The following LINGO2 variants were observed in gnomAD, a reference collection of about 807,000 sequenced individuals.
The protein encoded by LINGO2 is leucine rich repeat and Ig domain containing 2.
In LINGO2, 14 loss-of-function variants were observed where a neutral mutation model predicts 30.6. That is an observed-to-expected ratio of 0.46 (90% CI 0.30 to 0.72). LINGO2 has a LOEUF of 0.72. Ranked by LOEUF, LINGO2 falls within the 30% of genes least tolerant of loss-of-function variation. The pLI is 0.07. For missense variants in LINGO2, 729 were observed against 751.7 expected (o/e 0.97, Z 0.35); for synonymous variants, 317 against 288.5 (o/e 1.10, Z -1.00).
intron 2 of LINGO2, among the ~76,000 whole-genome samples, chr9:28,455,274 C>A (rs953450795): frequency 6.6e-6 from 1 of 151,890 alleles, no homozygotes; most frequent in East Asian, 1.9e-4. Context: ...CATGGCTACT[C>A]TAATATACTA....
chr9:28,356,339 A>G (rs1350974950), intron 3 of LINGO2, among the ~76,000 whole-genome samples: 2 of 152,082 alleles, frequency 1.3e-5, no homozygotes, highest in Admixed American at 6.6e-5. Flanking sequence ...AGGTTTGTAG[A>G]CCCATACCCA....
chr9:28,492,847 C>CA (rs1427651340), intron 1 of LINGO2, among the ~76,000 whole-genome samples: 8 of 151,500 alleles, frequency 5.3e-5, no homozygotes, highest in African/African-American at 1.5e-4. Flanking sequence ...ACAACAACAA[C>CA]AACAAAAAAA....
the LINGO2 span, among the ~76,000 whole-genome samples, chr9:28,798,920 T>C: frequency 1.3e-5 from 2 of 152,110 alleles, no homozygotes; most frequent in Admixed American, 6.6e-5. Flanking sequence ...GAATTGTAAA[T>C]AGTTAAATAG....
the LINGO2 span, among the ~76,000 whole-genome samples, chr9:28,769,491 TATATATATATATA>T: frequency 1.5e-4 from 1 of 6,754 alleles, no homozygotes. Flanking sequence ...TATATATATA[TATATATATATATA>T]TATATATATA....
chr9:27,983,763 T>C (rs1820995438), intron 5 of LINGO2, among the ~76,000 whole-genome samples: 2 of 151,886 alleles, frequency 1.3e-5, no homozygotes, highest in South Asian at 4.1e-4. Flanking sequence ...GATTTCATCA[T>C]TCCTTTTGCA....
intron 4 of LINGO2, among the ~76,000 whole-genome samples, chr9:28,135,948 A>T (rs558126886): frequency 6.6e-6 from 1 of 152,220 alleles, no homozygotes; most frequent in South Asian, 2.1e-4. Context: ...TAATCTCCCT[A>T]TGAACAGAGG....
intron 4 of LINGO2, among the ~76,000 whole-genome samples, chr9:28,122,045 C>G (rs1827110748): frequency 6.6e-6 from 1 of 152,036 alleles, no homozygotes; most frequent in African/African-American, 2.4e-5. Flanking sequence ...AAAATCAGAG[C>G]TGGGAGAGGA....
At chr9:29,200,910 G>A in the LINGO2 span, among the ~76,000 whole-genome samples, 7 of 152,100 alleles carry the variant, frequency 4.6e-5, no homozygotes, top group Non-Finnish European at 5.9e-5. Context: ...GTTGGGATTT[G>A]CCTATTTTTT....
At chr9:28,675,905 G>GTATATATATATATATATATATATA in the LINGO2 span, among the ~76,000 whole-genome samples, 3 of 126,060 alleles carry the variant, frequency 2.4e-5, no homozygotes, top group Non-Finnish European at 5.0e-5. Flanking sequence ...GTGTGTGTAT[G>GTATATATATATATATATATATATA]TATATATATA....
chr9:28,430,101 C>CGTGCGCGT (rs1554720059), intron 2 of LINGO2, among the ~76,000 whole-genome samples: 5 of 77,046 alleles, frequency 6.5e-5, no homozygotes, highest in Non-Finnish European at 1.0e-4. Context: ...TTTCCACGCG[C>CGTGCGCGT]GCGCGCGCGT....
chr9:28,453,973 A>G (rs1824747322), intron 2 of LINGO2, among the ~76,000 whole-genome samples: 1 of 152,026 alleles, frequency 6.6e-6, no homozygotes, highest in Non-Finnish European at 1.5e-5. Context: ...GTCTGCATTC[A>G]TGGCTGGAAT....
chr9:28,621,424 T>C (rs918911864), intron 1 of LINGO2, among the ~76,000 whole-genome samples: 1 of 151,972 alleles, frequency 6.6e-6, no homozygotes, highest in Non-Finnish European at 1.5e-5. Context: ...CACAGAACTT[T>C]TTCTCCAAGT....
chr9:28,577,839 A>G (rs1356018131), intron 1 of LINGO2, among the ~76,000 whole-genome samples: 2 of 152,178 alleles, frequency 1.3e-5, no homozygotes, highest in Non-Finnish European at 2.9e-5. Flanking sequence ...ATTCTTGAGG[A>G]ATTAATAATC....
chr9:28,052,319 G>A (rs1296325193), intron 4 of LINGO2, among the ~76,000 whole-genome samples: 1 of 152,094 alleles, frequency 6.6e-6, no homozygotes, highest in Non-Finnish European at 1.5e-5. Flanking sequence ...GCAATTACAA[G>A]TAATGACTAG....
chr9:29,164,445 A>G, the LINGO2 span, among the ~76,000 whole-genome samples: 4 of 152,178 alleles, frequency 2.6e-5, no homozygotes, highest in African/African-American at 9.7e-5. Flanking sequence ...TTGTTTTGAA[A>G]TAAGCATTTC....
At chr9:28,196,693 G>A (rs892091616) in intron 4 of LINGO2, among the ~76,000 whole-genome samples, 2 of 151,600 alleles carry the variant, frequency 1.3e-5, no homozygotes, top group African/African-American at 4.8e-5. Flanking sequence ...GAAAACTTAT[G>A]GTATCATAAT....
At chr9:28,288,512 C>T (rs577704242) in intron 4 of LINGO2, among the ~76,000 whole-genome samples, 7 of 152,236 alleles carry the variant, frequency 4.6e-5, no homozygotes, top group East Asian at 3.9e-4. Context: ...TGTCCTGAAA[C>T]GAGCTGTTCA....
rs533021637 is a variant in LINGO2 at position 28,365,816 on chromosome 9, G to T, written c.-246+7020C>A. Reference sequence around the variant, plus strand: ...TCTCTCTTCCTTTTCTTCCAATGGGGAAATGAATCCACTTTGAGACTACTC... The same window carrying T: ...TCTCTCTTCCTTTTCTTCCAATGGGTAAATGAATCCACTTTGAGACTACTC... On this transcript the variant is annotated intron_variant, in intron 3 of 5. Transcript: ENST00000379992. Among the ~76,000 whole-genome samples the T allele has an allele frequency of 1.2e-3, 179 of 146,660 alleles. 2 individuals are homozygous for T. Among genetic ancestry groups the T allele is most frequent in the Non-Finnish European group, 1.3e-3 (87 of 67,174 alleles).
chr9:28,899,483 A>C, the LINGO2 span, among the ~76,000 whole-genome samples: 1 of 152,138 alleles, frequency 6.6e-6, no homozygotes, highest in South Asian at 2.1e-4. Flanking sequence ...CCACAGCACC[A>C]GGCTGACCCC....
Sources: gnomAD v4.1 joint callset for allele counts (sites outside exome capture counted in the v4.1 genomes callset) on GRCh38, gnomAD v4.1.1 for gene constraint, MANE v1.5 for transcripts, NCBI Gene and HGNC (gene_info 2026-07-23, HGNC 2026-07-21) for gene names.